The following KCNJ6 variants were observed in gnomAD, a reference collection of about 807,000 sequenced individuals.
The protein encoded by KCNJ6 is potassium inwardly rectifying channel subfamily J member 6, also known as G protein-activated inward rectifier potassium channel 2.
Under a neutral mutation model 34.2 loss-of-function variants are expected in KCNJ6, and 9 were observed. The observed-to-expected ratio is 0.26, with a 90% confidence interval of 0.16 to 0.46. The LOEUF (loss-of-function observed/expected upper bound fraction) is 0.46, where lower values mean the gene tolerates loss of function less well. Ranked by LOEUF, KCNJ6 falls within the 20% of genes least tolerant of loss-of-function variation. KCNJ6 has a pLI of 1.00. For synonymous variants in KCNJ6, 196 were observed against 207.1 expected, an observed-to-expected ratio of 0.95 and a Z score of 0.46; for missense variants, 236 against 531.3, an observed-to-expected ratio of 0.44 and a Z score of 5.46.
intron 2 of KCNJ6, among the ~76,000 whole-genome samples, chr21:37,740,422 T>C (rs1436786348): frequency 6.6e-6 from 1 of 152,234 alleles, no homozygotes; most frequent in East Asian, 1.9e-4. Context: ...TACCTTTCTA[T>C]TGATCCCAGG....
intron 3 of KCNJ6, among the ~76,000 whole-genome samples, chr21:37,670,163 A>G (rs2054535091): frequency 6.6e-6 from 1 of 152,160 alleles, no homozygotes; most frequent in African/African-American, 2.4e-5. Flanking sequence ...ATGAAAGTCA[A>G]TTATTCTAAG....
chr21:37,798,431 G>A (rs1269977313), intron 2 of KCNJ6, among the ~76,000 whole-genome samples: 1 of 152,170 alleles, frequency 6.6e-6, no homozygotes, highest in Non-Finnish European at 1.5e-5. Flanking sequence ...CAGTTACCCT[G>A]TAGTGCTGCC....
chr21:37,713,884 C>T (rs1213680065), intron 3 of KCNJ6, among the ~76,000 whole-genome samples: 1 of 152,140 alleles, frequency 6.6e-6, no homozygotes, highest in African/African-American at 2.4e-5. Flanking sequence ...TTTAAATTAG[C>T]AATGTTTTAA....
rs1057352313 is a variant in KCNJ6 at position 37,695,884 on chromosome 21, G to T, written c.946+18327C>A. On this transcript the variant is annotated intron_variant, in intron 3 of 3. Coordinates refer to ENST00000609713, the MANE Select transcript of KCNJ6 (RefSeq NM_002240.5). The surrounding 1 kb of genome is among the most constrained non-coding windows in gnomAD (Gnocchi z 4.2). ...GAGCCTGTAACATCTTTTTGTGCCA[G>T]AAAAAAGGAAGAACACACAAAATGA... Among the ~76,000 whole-genome samples the T allele has an allele frequency of 2.6e-5, 4 of 152,066 alleles. No homozygotes were observed. The highest frequency in any genetic ancestry group is 9.7e-5 in the African/African-American group (4 of 41,422).
At position 37,621,530 on chromosome 21, in the gene KCNJ6, A is replaced by G. The variant is rs747337309; in HGVS notation, c.*3629T>C. The G allele has an allele frequency of 6.6e-6, 1 of 152,274 alleles. No individual in the cohort carries two copies. The highest frequency in any genetic ancestry group is 1.5e-5 in the Non-Finnish European group (1 of 68,050). 9.4% of individuals were successfully genotyped at this position (152,274 alleles called of 1,614,324 possible). On this transcript the variant is annotated 3_prime_UTR_variant, in exon 4 of 4. Coordinates refer to ENST00000609713, the MANE Select transcript of KCNJ6 (RefSeq NM_002240.5). ...TGTTGCTCTGGAGAATTCAAAATTT[A>G]GACTATTAAATGAAGTCATGAATAA...
chr21:37,860,995 C>T (rs1177803590), intron 1 of KCNJ6, among the ~76,000 whole-genome samples: 5 of 152,118 alleles, frequency 3.3e-5, no homozygotes, highest in African/African-American at 1.2e-4. Context: ...TTTTCCTCAT[C>T]TGTACAATAG....
intron 3 of KCNJ6, among the ~76,000 whole-genome samples, chr21:37,655,827 G>A (rs1021792598): frequency 3.9e-5 from 6 of 152,172 alleles, no homozygotes; most frequent in South Asian, 2.1e-4. Flanking sequence ...ACGAAGCCAC[G>A]GAGGTCAGGG....
chr21:37,706,600 ACT>A (rs34644728), intron 3 of KCNJ6, among the ~76,000 whole-genome samples: 85,375 of 151,786 alleles, frequency 0.56, 24,506 homozygotes, highest in East Asian at 0.8. Context: ...GAAATAAACC[ACT>A]GTTTTCAGCC....
At chr21:37,628,789 A>C (rs2054321661) in intron 3 of KCNJ6, among the ~76,000 whole-genome samples, 1 of 152,236 alleles carries the variant, frequency 6.6e-6, no homozygotes, top group Admixed American at 6.5e-5. Flanking sequence ...TGAAGGCAGC[A>C]AAAGATAAAC....
chr21:37,715,550 C>T (rs1401436724), intron 2 of KCNJ6, among the ~76,000 whole-genome samples: 1 of 152,310 alleles, frequency 6.6e-6, no homozygotes, highest in East Asian at 1.9e-4. Context: ...GGGCTCTTGG[C>T]CATGATATCT....
chr21:37,833,781 G>C (rs1472781450), intron 2 of KCNJ6, among the ~76,000 whole-genome samples: 5 of 152,152 alleles, frequency 3.3e-5, no homozygotes, highest in African/African-American at 1.2e-4. Context: ...CTAGAGAGTA[G>C]GGAGTTCTTT....
At chr21:37,872,305 A>G (rs553149412) in intron 1 of KCNJ6, among the ~76,000 whole-genome samples, 2 of 152,348 alleles carry the variant, frequency 1.3e-5, no homozygotes, top group South Asian at 4.1e-4. Context: ...GATGTTCAAG[A>G]AGCCATAACT....
chr21:37,910,412 A>G (rs1021068655), intron 1 of KCNJ6, among the ~76,000 whole-genome samples: 6 of 152,254 alleles, frequency 3.9e-5, no homozygotes, highest in African/African-American at 1.4e-4. Context: ...CTGGATAAGA[A>G]AAAAGTAGAT....
At chr21:37,735,022 T>A (rs1239328752) in intron 2 of KCNJ6, among the ~76,000 whole-genome samples, 1 of 152,110 alleles carries the variant, frequency 6.6e-6, no homozygotes, top group Admixed American at 6.5e-5. Flanking sequence ...CAGCCCAGCA[T>A]GTCCCCGTTT....
At chr21:37,888,913 G>A (rs2055748624) in intron 1 of KCNJ6, among the ~76,000 whole-genome samples, 1 of 152,334 alleles carries the variant, frequency 6.6e-6, no homozygotes, top group South Asian at 2.1e-4. Flanking sequence ...GGTCATCAAG[G>A]TATAACCTGA....
intron 3 of KCNJ6, among the ~76,000 whole-genome samples, chr21:37,697,956 T>C (rs1478022952): frequency 6.6e-6 from 1 of 152,160 alleles, no homozygotes; most frequent in Non-Finnish European, 1.5e-5. Context: ...TAAGAATAAA[T>C]GTCGGTGTGA....
At chr21:37,645,017 G>T (rs1280875922) in intron 3 of KCNJ6, among the ~76,000 whole-genome samples, 12 of 130,834 alleles carry the variant, frequency 9.2e-5, no homozygotes, top group South Asian at 2.5e-4. Flanking sequence ...AAACAGGTGG[G>T]TTTTTTTTTT....
At chr21:37,877,988 G>A (rs946146342) in intron 1 of KCNJ6, among the ~76,000 whole-genome samples, 2 of 152,230 alleles carry the variant, frequency 1.3e-5, no homozygotes, top group African/African-American at 2.4e-5. Context: ...TAAAGAAAGT[G>A]TATGTCAAAG....
At chr21:37,834,138 A>C (rs1391989935) in intron 2 of KCNJ6, among the ~76,000 whole-genome samples, 1 of 152,062 alleles carries the variant, frequency 6.6e-6, no homozygotes, top group Non-Finnish European at 1.5e-5. Context: ...CCTGCAATCC[A>C]CGCCATGATG....
Sources: allele counts gnomAD v4.1 joint callset (sites outside exome capture counted in the v4.1 genomes callset), GRCh38; gene constraint gnomAD v4.1.1; non-coding constraint Gnocchi (gnomAD v3.1); transcripts MANE v1.5; gene names NCBI Gene and HGNC (gene_info 2026-07-23, HGNC 2026-07-21).